UNK: variants seen among roughly 807,000 people sequenced by gnomAD.
UNK encodes unk zinc finger.
UNK carries 32 observed loss-of-function variants against 97.6 expected under a neutral mutation model. The ratio of observed to expected loss-of-function variants is 0.33; its 90% CI spans 0.25 to 0.44. The LOEUF (loss-of-function observed/expected upper bound fraction) is 0.44. Among genes scored for constraint, UNK ranks in the 20% least tolerant of loss-of-function variants. UNK has a pLI of 1.00. For missense variants in UNK, 771 were observed against 1,098.4 expected (o/e 0.70, Z 4.21); for synonymous variants, 441 against 461.2 (o/e 0.96, Z 0.56).
chr17:75,801,810 TG>T (rs2143726294), intron 1 of UNK, among the ~76,000 whole-genome samples: 1 of 150,776 alleles, frequency 6.6e-6, no homozygotes, highest in Non-Finnish European at 1.5e-5. Flanking sequence ...CGCAAAGTGT[TG>T]GGATTACAGG....
chr17:75,813,905 T>TACACTACAAGTACAA, intron 6 of UNK, 27 bp downstream of exon 6: 1 of 1,537,886 alleles, frequency 6.5e-7, no homozygotes. Flanking sequence ...GGTGGGGGGG[T>TACACTACAAGTACAA]GGCTTTGGGA....
Position 75,824,393 on chromosome 17 carries a change from C to A in UNK, c.2409C>A (p.Gly803=). The change falls in exon 16 of 16, where the codon GGC becomes GGA. Residue 803 remains glycine (G), a synonymous_variant. Coordinates refer to ENST00000589666, the MANE Select transcript of UNK (RefSeq NM_001080419.3). The surrounding 1 kb of genome is among the most constrained non-coding windows in gnomAD (Gnocchi z 4.9). The part of the protein sequence containing the change: ...EGSECPICQP[G]RAHTLQS ...GCGAGTGCCCCATCTGCCAGCCTGG[C>A]CGGGCCCACACCCTCCAGTCGTGAC... 1 of 1,563,158 alleles carries A rather than the reference C, an allele frequency of 6.4e-7. No homozygotes were observed. Among genetic ancestry groups the A allele is most frequent in the Non-Finnish European group, 8.6e-7 (1 of 1,158,700 alleles).
At position 75,820,135 on chromosome 17, in the gene UNK, A is replaced by G. The variant is rs140325162; in HGVS notation, c.1837+27A>G. 585 of 1,587,890 alleles carry G rather than the reference A, an allele frequency of 3.7e-4. 3 individuals are homozygous for G. The African/African-American group carries it at 6.6e-3, about 18-fold the overall frequency. The stretch of plus-strand genomic sequence containing the variant: ...TAAGAGAGGGAGTGGTTCACTCAGG[A>G]GAACTGGGGCAGGAACCTGCGCCTT... On this transcript the variant is annotated intron_variant, in intron 13 of 15. Transcript: ENST00000589666.
At chr17:75,823,956 C>T (rs2062094395) in intron 15 of UNK, among the ~76,000 whole-genome samples, 2 of 152,342 alleles carry the variant, frequency 1.3e-5, no homozygotes, top group South Asian at 2.1e-4. Context: ...GCCAAGCCCC[C>T]GGGTGTGGCC....
intron 1 of UNK, among the ~76,000 whole-genome samples, chr17:75,809,385 G>A (rs1347867632): frequency 6.6e-6 from 1 of 152,238 alleles, no homozygotes; most frequent in African/African-American, 2.4e-5. Flanking sequence ...GGCCTGTAGA[G>A]TTTGGCAGAG....
intron 1 of UNK, among the ~76,000 whole-genome samples, chr17:75,803,123 A>G (rs1292728966): frequency 5.9e-5 from 3 of 51,040 alleles, no homozygotes; most frequent in Admixed American, 1.4e-4. Context: ...TACAGGCCGG[A>G]CGCGGTGGCT....
intron 1 of UNK, chr17:75,793,471 G>A: frequency 1.0e-6 from 1 of 985,226 alleles, no homozygotes; most frequent in Non-Finnish European, 1.2e-6. Flanking sequence ...AGTATCAAGA[G>A]CTGAGGAGAA....
At chr17:75,812,610 C>A (rs535441444) in intron 4 of UNK, 25 bp downstream of exon 4, 2 of 1,607,572 alleles carry the variant, frequency 1.2e-6, no homozygotes, top group African/African-American at 2.7e-5. Context: ...ACCTCGGCCG[C>A]GCCCTCCCTA....
At chr17:75,822,804 C>A in intron 14 of UNK, 146 bp downstream of exon 14, 1 of 1,085,098 alleles carries the variant, frequency 9.2e-7, no homozygotes, top group Non-Finnish European at 1.3e-6. Flanking sequence ...CGCTCTCCCC[C>A]TGGGAGGACT....
intron 1 of UNK, among the ~76,000 whole-genome samples, chr17:75,798,360 C>T (rs946608635): frequency 1.2e-4 from 18 of 151,914 alleles, no homozygotes; most frequent in Admixed American, 4.6e-4. Flanking sequence ...AGAGCCACCA[C>T]GCCTGGCCTA....
rs1599357620 is a variant in UNK, at chr17:75,790,896, C to T, written c.104+5912C>T. On this transcript the variant is annotated intron_variant, in intron 1 of 15. Coordinates refer to ENST00000589666, the MANE Select transcript of UNK (RefSeq NM_001080419.3). ...CGGAGGTTGCAGTGAGCCGAGATCA[C>T]ACTACTACACTCCAGCCTGGGCAAC... Among the ~76,000 whole-genome samples the T allele has an allele frequency of 2.6e-5, 4 of 151,116 alleles. No homozygotes were observed. The South Asian group carries it at 6.3e-4, about 24-fold the overall frequency.
In UNK at chr17:75,809,790, C is replaced by T. The variant is rs535960934; in HGVS notation, c.135C>T (p.Cys45=). 231 of 1,612,528 alleles carry T rather than the reference C, an allele frequency of 1.4e-4. 5 individuals carry two copies. In the Admixed American group the frequency reaches 3.7e-3, roughly 26 times the overall value. Residue 45 remains cysteine (C), a synonymous_variant, in exon 2 of 16, where the codon TGC becomes TGT. Transcript: ENST00000589666. ...TYLKEFRTEQ[C]PLFVQHKCTQ... is the part of the protein sequence containing the mutation. Reference sequence around the variant, plus strand: ...TGAAAGAATTCCGCACAGAGCAGTGCCCACTCTTTGTGCAACACAAATGCA... The same window carrying T: ...TGAAAGAATTCCGCACAGAGCAGTGTCCACTCTTTGTGCAACACAAATGCA...
intron 1 of UNK, 159 bp downstream of exon 1, chr17:75,785,143 C>T (rs940026256): frequency 1.1e-5 from 6 of 536,110 alleles, no homozygotes; most frequent in Non-Finnish European, 1.9e-5. Flanking sequence ...CCGGTCCCAA[C>T]TGCCTCCAAC....
At chr17:75,786,400 T>C (rs1477285818) in intron 1 of UNK, among the ~76,000 whole-genome samples, 1 of 152,232 alleles carries the variant, frequency 6.6e-6, no homozygotes, top group African/African-American at 2.4e-5. Context: ...ACGAGAGTCT[T>C]GGCTTCAGCA....
chr17:75,791,912 A>G (rs754503666), intron 1 of UNK: 15 of 985,300 alleles, frequency 1.5e-5, no homozygotes, highest in African/African-American at 1.7e-5. Context: ...GGCACACTCT[A>G]TAAAGGAGCT....
Position 75,817,424 on chromosome 17 carries a change from C to G in UNK, c.1203C>G (p.Phe401Leu). The G allele has an allele frequency of 1.2e-6, 2 of 1,613,344 alleles. No individual in the cohort carries two copies. Among genetic ancestry groups the G allele is most frequent in the Non-Finnish European group, 1.7e-6 (2 of 1,179,660 alleles). Residue 401 changes from phenylalanine to leucine, a missense_variant, in exon 9 of 16, where the codon TTC becomes TTG. By Grantham distance (22) the Phe-to-Leu change is conservative (BLOSUM62 0). Transcript: ENST00000589666. The surrounding 1 kb of genome is among the most constrained non-coding windows in gnomAD (Gnocchi z 5.8). ...CCCCAAACCTGGAGGGCATCGTCTT[C>G]CCTGGGGAGTCTGGCCTGGCCCCTG... ...RKPPNLEGIV[F>L]PGESGLAPGS... is the part of the protein sequence containing the mutation.
At position 75,817,828 on chromosome 17, in the gene UNK, G is replaced by A. The variant is rs2062030813; in HGVS notation, c.1306-275G>A. On this transcript the variant is annotated intron_variant, in intron 9 of 15. Transcript: ENST00000589666. The surrounding 1 kb of genome is among the most constrained non-coding windows in gnomAD (Gnocchi z 5.8). ...TGCCTTCATGGAAAGACAGGGCCTG[G>A]GGAAGCAGGACACAGGGGTCCCTAA... 6.6e-6 allele frequency among the ~76,000 whole-genome samples: 1 copy of A among 152,130 alleles called. No homozygotes were observed. Among genetic ancestry groups the A allele is most frequent in the Non-Finnish European group, 1.5e-5 (1 of 68,006 alleles).
Position 75,822,747 on chromosome 17 carries a change from G to A in UNK, c.2019+89G>A, listed in dbSNP as rs146802811. On this transcript the variant is annotated intron_variant, in intron 14 of 15. Coordinates refer to ENST00000589666, the MANE Select transcript of UNK (RefSeq NM_001080419.3). ...TTCACAGAGTGGGCGTGGGGTGGGG[G>A]AAAGCGGGGGCTGGAAGAACAGAGC... The A allele has an allele frequency of 6.8e-5, 94 of 1,380,566 alleles. No homozygotes were observed. In the African/African-American group the frequency reaches 1.2e-3, roughly 18 times the overall value. The allele number at this position is 1,380,566 out of a possible 1,614,324, so 85.5% of individuals were successfully genotyped here.
chr17:75,794,042 G>A (rs1206406805), intron 1 of UNK: 4 of 985,140 alleles, frequency 4.1e-6, no homozygotes, highest in Admixed American at 1.2e-4. Flanking sequence ...CAGGATTTGT[G>A]TGAATCAGAC....
Sources: gnomAD v4.1 joint callset for allele counts (sites outside exome capture counted in the v4.1 genomes callset) on GRCh38, gnomAD v4.1.1 for gene constraint, Gnocchi (gnomAD v3.1) non-coding constraint, MANE v1.5 for transcripts, NCBI Gene and HGNC (gene_info 2026-07-23, HGNC 2026-07-21) for gene names.